The following BMPER variants were observed in gnomAD, a reference collection of about 807,000 sequenced individuals.
The protein encoded by BMPER is BMP-binding endothelial regulator protein.
BMPER carries 45 observed loss-of-function variants against 87.3 expected under a neutral mutation model. That is an observed-to-expected ratio of 0.52 (90% CI 0.41 to 0.66). BMPER has a LOEUF of 0.66. BMPER is among the 30% of genes least tolerant of loss of function. The pLI, the probability that BMPER is intolerant of heterozygous loss-of-function variation, is 0.00. For missense variants in BMPER, 784 were observed against 867.5 expected, an observed-to-expected ratio of 0.90 and a Z score of 1.21; for synonymous variants, 326 against 316.2, an observed-to-expected ratio of 1.03 and a Z score of -0.33.
At chr7:33,912,794 T>G (rs1341453839) in intron 2 of BMPER, among the ~76,000 whole-genome samples, 1 of 152,146 alleles carries the variant, frequency 6.6e-6, no homozygotes, top group South Asian at 2.1e-4. Flanking sequence ...ATGAGCTGGG[T>G]GTATATTTTA....
intron 11 of BMPER, among the ~76,000 whole-genome samples, chr7:34,065,203 ACTCTCTCT>A (rs70997564): frequency 0.016 from 1,515 of 97,318 alleles, 24 homozygotes; most frequent in East Asian, 0.066. Flanking sequence ...ATACACACTC[ACTCTCTCT>A]CTCTCTCTCT....
At chr7:34,049,718 T>C (rs936813818) in intron 7 of BMPER, among the ~76,000 whole-genome samples, 1 of 152,080 alleles carries the variant, frequency 6.6e-6, no homozygotes, top group Non-Finnish European at 1.5e-5. Context: ...GAAGCACATG[T>C]AGATAAAGGA....
chr7:33,974,883 C>G, intron 6 of BMPER, 99 bp downstream of exon 6: 1 of 1,210,162 alleles, frequency 8.3e-7, no homozygotes. Context: ...TCTCTCGTCT[C>G]CTCTCTGGGT....
chr7:34,034,224 A>G (rs911265467), intron 6 of BMPER, among the ~76,000 whole-genome samples: 12 of 152,176 alleles, frequency 7.9e-5, no homozygotes, highest in Admixed American at 5.2e-4. Context: ...AATATAACTT[A>G]TTGGCCAAAC....
chr7:34,024,849 T>C (rs1457992403), intron 6 of BMPER, among the ~76,000 whole-genome samples: 3 of 152,052 alleles, frequency 2.0e-5, no homozygotes. Flanking sequence ...CAAGGTGAAT[T>C]CATTTTATGC....
intron 6 of BMPER, among the ~76,000 whole-genome samples, chr7:34,031,931 C>CAG (rs1787533501): frequency 8.0e-6 from 1 of 125,094 alleles, no homozygotes; most frequent in Non-Finnish European, 1.6e-5. Flanking sequence ...TATATATACA[C>CAG]ACACACACAC....
In BMPER at chr7:34,141,761, C is replaced by A. The variant is rs150559382; in HGVS notation, c.1746-1469C>A. ...GAAGGAGGCTCTTTGGGTTTTACAT[C>A]TGTTCCTCTTTTGTCCCTGTTTTTT... On this transcript the variant is annotated intron_variant, in intron 13 of 14. Coordinates refer to ENST00000649409, the MANE Select transcript of BMPER (RefSeq NM_001365308.1). Among the ~76,000 whole-genome samples the A allele has an allele frequency of 7.5e-3, 1,136 of 152,184 alleles. 8 individuals carry two copies. Among genetic ancestry groups the A allele is most frequent in the Middle Eastern group, 0.014 (4 of 294 alleles).
chr7:33,909,505 G>T (rs895610290), intron 2 of BMPER, among the ~76,000 whole-genome samples: 1 of 152,014 alleles, frequency 6.6e-6, no homozygotes, highest in African/African-American at 2.4e-5. Context: ...CAGTTGACCT[G>T]CAGGGAGCGT....
intron 3 of BMPER, among the ~76,000 whole-genome samples, chr7:33,965,853 CAT>C (rs1257131237): frequency 1.6e-4 from 8 of 49,564 alleles, no homozygotes; most frequent in Non-Finnish European, 2.7e-4. Context: ...CAATGAATAA[CAT>C]GTGATAATCC....
At chr7:34,137,262 G>T (rs910258283) in intron 13 of BMPER, among the ~76,000 whole-genome samples, 1 of 152,240 alleles carries the variant, frequency 6.6e-6, no homozygotes, top group Non-Finnish European at 1.5e-5. Context: ...ACAGCAGAAA[G>T]GTTCTTGCAG....
At chr7:34,111,132 A>G (rs1164553810) in intron 13 of BMPER, among the ~76,000 whole-genome samples, 1 of 152,254 alleles carries the variant, frequency 6.6e-6, no homozygotes, top group East Asian at 1.9e-4. Context: ...ACTTGTTGGA[A>G]AAATTATTGA....
intron 13 of BMPER, among the ~76,000 whole-genome samples, chr7:34,132,203 G>A (rs1790610534): frequency 6.6e-6 from 1 of 152,240 alleles, no homozygotes; most frequent in Admixed American, 6.5e-5. Flanking sequence ...GACATGAGAA[G>A]CAACATTGAA....
chr7:34,119,014 T>TCACACACACACA (rs138792693), intron 13 of BMPER, among the ~76,000 whole-genome samples: 3,497 of 135,734 alleles, frequency 0.026, 98 homozygotes, highest in Admixed American at 0.054. Flanking sequence ...TCTCTCTCTC[T>TCACACACACACA]CACACACACA....
intron 4 of BMPER, among the ~76,000 whole-genome samples, chr7:33,968,083 G>A (rs772081685): frequency 1.6e-4 from 25 of 152,250 alleles, no homozygotes; most frequent in South Asian, 1.2e-3. Context: ...AGTGATGCAG[G>A]AATCTCTAAT....
At chr7:33,976,522 A>C (rs1785692013) in intron 6 of BMPER, among the ~76,000 whole-genome samples, 1 of 152,190 alleles carries the variant, frequency 6.6e-6, no homozygotes, top group Admixed American at 6.6e-5. Context: ...CCCATTTCTC[A>C]ATTTTATTTC....
intron 4 of BMPER, among the ~76,000 whole-genome samples, chr7:33,968,955 G>A (rs971745034): frequency 5.3e-5 from 8 of 152,146 alleles, no homozygotes; most frequent in Non-Finnish European, 7.4e-5. Flanking sequence ...ATAGCTTTTT[G>A]CATTGCTTCA....
At chr7:34,066,702 C>G (rs1426491723) in intron 11 of BMPER, among the ~76,000 whole-genome samples, 2 of 152,180 alleles carry the variant, frequency 1.3e-5, no homozygotes, top group Non-Finnish European at 2.9e-5. Flanking sequence ...AACCACCCAA[C>G]AGAGACCTGA....
intron 13 of BMPER, among the ~76,000 whole-genome samples, chr7:34,120,836 G>C (rs1790246465): frequency 6.6e-6 from 1 of 152,094 alleles, no homozygotes; most frequent in Non-Finnish European, 1.5e-5. Context: ...TGCATAAATT[G>C]TGGAAACATA....
chr7:34,119,815 T>G lies in BMPER; in HGVS notation c.1746-23415T>G, dbSNP rs534521368. Among the ~76,000 whole-genome samples the G allele has an allele frequency of 1.8e-3, 280 of 152,250 alleles. 2 individuals carry two copies. Among genetic ancestry groups the G allele is most frequent in the Non-Finnish European group, 2.9e-3 (199 of 68,004 alleles). ...AATATCTAGGAAAAGTAGTTATATA[T>G]GGTTAAATGTGCTTTGCAAGGGGAA... On this transcript the variant is annotated intron_variant, in intron 13 of 14. Transcript: ENST00000649409.
Sources: gnomAD v4.1 joint callset for allele counts (sites outside exome capture counted in the v4.1 genomes callset) on GRCh38, gnomAD v4.1.1 for gene constraint, MANE v1.5 for transcripts, NCBI Gene and HGNC (gene_info 2026-07-23, HGNC 2026-07-21) for gene names.